The following PTPRD variants were observed in gnomAD, a reference collection of about 807,000 sequenced individuals.
PTPRD encodes receptor-type tyrosine-protein phosphatase delta.
In PTPRD, 34 loss-of-function variants were observed where a neutral mutation model predicts 214.5. That is an observed-to-expected ratio of 0.16 (90% confidence interval 0.12 to 0.21). PTPRD has a LOEUF of 0.21. Ranked by LOEUF, PTPRD falls within the 10% of genes least tolerant of loss-of-function variation. The pLI is 1.00. For synonymous variants in PTPRD, 1,128 were observed against 845.7 expected, an observed-to-expected ratio of 1.33 and a Z score of -5.79; for missense variants, 2,545 against 2,398.7, an observed-to-expected ratio of 1.06 and a Z score of -1.27.
intron 8 of PTPRD, among the ~76,000 whole-genome samples, chr9:9,413,669 G>C (rs991189005): frequency 6.6e-6 from 1 of 152,108 alleles, no homozygotes; most frequent in African/African-American, 2.4e-5. Flanking sequence ...GGCAATCTTG[G>C]TTCTGTCCTT....
intron 9 of PTPRD, among the ~76,000 whole-genome samples, chr9:9,188,352 C>A (rs1186912828): frequency 6.6e-6 from 1 of 151,986 alleles, no homozygotes; most frequent in Admixed American, 6.6e-5. Context: ...GTAGATATTT[C>A]TTGGTATGCA....
intron 2 of PTPRD, among the ~76,000 whole-genome samples, chr9:10,390,959 C>T (rs2154490916): frequency 6.6e-6 from 1 of 151,836 alleles, no homozygotes; most frequent in South Asian, 2.1e-4. Context: ...TAACAGTCAC[C>T]AGAAATAAAA....
intron 7 of PTPRD, among the ~76,000 whole-genome samples, chr9:9,580,551 T>A (rs1324310302): frequency 2.1e-5 from 3 of 144,310 alleles, no homozygotes; most frequent in Non-Finnish European, 4.6e-5. Context: ...TATTTTCTTT[T>A]TTTTTTTTTT....
intron 44 of PTPRD, among the ~76,000 whole-genome samples, chr9:8,329,678 G>C (rs1837753130): frequency 6.6e-6 from 1 of 152,152 alleles, no homozygotes; most frequent in South Asian, 2.1e-4. Context: ...AAGTAAGTCT[G>C]TGATTGGGGC....
intron 11 of PTPRD, among the ~76,000 whole-genome samples, chr9:8,973,010 G>GAAA (rs35822140): frequency 6.6e-4 from 94 of 143,288 alleles, no homozygotes; most frequent in Admixed American, 1.5e-3. Context: ...CCCCCAGGGA[G>GAAA]AAAAAAAAAA....
intron 9 of PTPRD, among the ~76,000 whole-genome samples, chr9:9,315,138 TTTC>T (rs1439562420): frequency 6.6e-6 from 1 of 150,914 alleles, no homozygotes; most frequent in African/African-American, 2.5e-5. Context: ...ATATTTCCCC[TTTC>T]TTCTTCTTTG....
At chr9:10,414,807 T>C (rs1278479123) in intron 2 of PTPRD, among the ~76,000 whole-genome samples, 1 of 151,804 alleles carries the variant, frequency 6.6e-6, no homozygotes, top group Admixed American at 6.6e-5. Flanking sequence ...TGGAACGGAA[T>C]GCCATTATCC....
At chr9:8,711,194 T>C (rs1221863628) in intron 12 of PTPRD, among the ~76,000 whole-genome samples, 21 of 152,074 alleles carry the variant, frequency 1.4e-4, no homozygotes, top group Non-Finnish European at 8.8e-5. Context: ...ATATATTTCA[T>C]CAGCAATATA....
At chr9:10,129,315 T>C (rs2098841634) in intron 3 of PTPRD, among the ~76,000 whole-genome samples, 1 of 152,104 alleles carries the variant, frequency 6.6e-6, no homozygotes, top group Non-Finnish European at 1.5e-5. Context: ...TGAGAATCTT[T>C]TCTTTAATCA....
At chr9:9,051,920 T>C (rs2099686503) in intron 10 of PTPRD, among the ~76,000 whole-genome samples, 1 of 152,222 alleles carries the variant, frequency 6.6e-6, no homozygotes. Flanking sequence ...GAATCTAAAA[T>C]AAATGCAGCA....
intron 10 of PTPRD, among the ~76,000 whole-genome samples, chr9:9,153,032 T>C (rs1245635081): frequency 6.6e-6 from 1 of 152,216 alleles, no homozygotes. Flanking sequence ...TATGTGCTGC[T>C]TGACTATTGG....
intron 5 of PTPRD, among the ~76,000 whole-genome samples, chr9:9,797,595 C>T (rs939125591): frequency 3.3e-5 from 5 of 152,134 alleles, no homozygotes; most frequent in Non-Finnish European, 7.3e-5. Flanking sequence ...CCTGTAATCC[C>T]AGCACTTTGG....
intron 2 of PTPRD, among the ~76,000 whole-genome samples, chr9:10,537,271 C>G (rs1198878183): frequency 6.6e-6 from 1 of 152,178 alleles, no homozygotes. Context: ...CATGATATCT[C>G]TTACAACTCA....
At chr9:9,533,734 A>G (rs1256874512) in intron 8 of PTPRD, among the ~76,000 whole-genome samples, 1 of 152,086 alleles carries the variant, frequency 6.6e-6, no homozygotes, top group African/African-American at 2.4e-5. Context: ...CACTAATAAT[A>G]TAAATTCATG....
chr9:10,075,735 C>A (rs531435896), intron 3 of PTPRD, among the ~76,000 whole-genome samples: 1 of 152,002 alleles, frequency 6.6e-6, no homozygotes, highest in South Asian at 2.1e-4. Context: ...TTATATTAGA[C>A]ATACAATTCC....
At chr9:9,535,584 A>C (rs926084976) in intron 8 of PTPRD, among the ~76,000 whole-genome samples, 10 of 152,124 alleles carry the variant, frequency 6.6e-5, no homozygotes, top group African/African-American at 2.4e-4. Flanking sequence ...TTTTAAAAGC[A>C]GCCAATGTGG....
chr9:10,167,500 A>G (rs1564271830), intron 3 of PTPRD, among the ~76,000 whole-genome samples: 1 of 152,180 alleles, frequency 6.6e-6, no homozygotes, highest in Non-Finnish European at 1.5e-5. Context: ...AGGAAAGAGA[A>G]TTCCATTATC....
intron 14 of PTPRD, among the ~76,000 whole-genome samples, chr9:8,600,571 C>G (rs2094793835): frequency 6.6e-6 from 1 of 151,750 alleles, no homozygotes; most frequent in African/African-American, 2.4e-5. Flanking sequence ...TGGATGCCCA[C>G]ACAGCCACAG....
chr9:9,588,723 G>A (rs2092378222), intron 7 of PTPRD, among the ~76,000 whole-genome samples: 1 of 151,878 alleles, frequency 6.6e-6, no homozygotes, highest in Non-Finnish European at 1.5e-5. Context: ...AGAGAAAAAA[G>A]TGAAAAGACA....
Sources: gnomAD v4.1 joint callset for allele counts (sites outside exome capture counted in the v4.1 genomes callset) on GRCh38, gnomAD v4.1.1 for gene constraint, MANE v1.5 for transcripts, NCBI Gene and HGNC (gene_info 2026-07-23, HGNC 2026-07-21) for gene names.